MAGI2: variants seen among roughly 807,000 people sequenced by gnomAD.
MAGI2 encodes the protein membrane-associated guanylate kinase, WW and PDZ domain-containing protein 2.
A neutral mutation model predicts 133.3 loss-of-function variants in MAGI2; 35 were observed. The ratio of observed to expected loss-of-function variants is 0.26; its 90% CI spans 0.20 to 0.35. MAGI2 has a LOEUF of 0.35. MAGI2 is among the 10% of genes least tolerant of loss of function. MAGI2 has a pLI of 1.00. For missense variants in MAGI2, 1,636 were observed against 1,863.4 expected, an observed-to-expected ratio of 0.88 and a Z score of 2.25; for synonymous variants, 729 against 710.6, an observed-to-expected ratio of 1.03 and a Z score of -0.41.
chr7:78,098,909 A>G lies in MAGI2; in HGVS notation c.3568-19824T>C, dbSNP rs150524639. ...TTTCTTCATTCATAAATTCTTCCTT[A>G]AGTACTTTGCCAATTTTTTTCCCAT... is the stretch of plus-strand genomic sequence containing the variant. On this transcript the variant is annotated intron_variant, in intron 20 of 21. Coordinates refer to ENST00000354212, the MANE Select transcript of MAGI2 (RefSeq NM_012301.4). Among the ~76,000 whole-genome samples, 507 of 152,194 alleles carry G rather than the reference A, an allele frequency of 3.3e-3. 5 individuals are homozygous for G. The highest frequency in any genetic ancestry group is 5.9e-3 in the Non-Finnish European group (404 of 67,970).
At chr7:79,218,813 A>T (rs1389184847) in intron 1 of MAGI2, among the ~76,000 whole-genome samples, 2 of 152,170 alleles carry the variant, frequency 1.3e-5, no homozygotes, top group Non-Finnish European at 2.9e-5. Flanking sequence ...GGCAGTACAC[A>T]AAATCAAAGT....
At chr7:78,800,134 C>G (rs1381890310) in intron 2 of MAGI2, among the ~76,000 whole-genome samples, 4 of 152,096 alleles carry the variant, frequency 2.6e-5, no homozygotes, top group Non-Finnish European at 5.9e-5. Context: ...GGACCAGAAG[C>G]TTTAATATCC....
chr7:78,510,150 T>A (rs55638011), intron 4 of MAGI2, among the ~76,000 whole-genome samples: 4,228 of 152,326 alleles, frequency 0.028, 193 homozygotes, highest in African/African-American at 0.096. Flanking sequence ...AAACTTTTTT[T>A]ACGTTTCCTT....
chr7:78,769,416 A>C (rs2151316551), intron 2 of MAGI2, among the ~76,000 whole-genome samples: 1 of 152,274 alleles, frequency 6.6e-6, no homozygotes, highest in South Asian at 2.1e-4. Context: ...CCTTTTAAAA[A>C]TGGAAACCTA....
intron 3 of MAGI2, among the ~76,000 whole-genome samples, chr7:78,602,348 C>T (rs1584800360): frequency 1.3e-5 from 2 of 152,054 alleles, no homozygotes; most frequent in East Asian, 1.9e-4. Context: ...TTAGTAGAAA[C>T]GGGGTTTCAC....
intron 10 of MAGI2, among the ~76,000 whole-genome samples, chr7:78,237,420 C>A (rs1790666376): frequency 6.6e-6 from 1 of 152,000 alleles, no homozygotes; most frequent in Non-Finnish European, 1.5e-5. Context: ...TAAAGAGGGA[C>A]TGTAGTTTAA....
rs531096692 is a variant in MAGI2 at position 78,280,165 on chromosome 7, C to T, written c.1409-23584G>A. 2.6e-5 allele frequency among the ~76,000 whole-genome samples: 4 copies of T among 152,186 alleles called. No homozygotes were observed. The East Asian group carries it at 7.7e-4, about 29-fold the overall frequency. On this transcript the variant is annotated intron_variant, in intron 9 of 21. Transcript: ENST00000354212. ...TTTCTGGGGGATTTGGAAGGGTGTC[C>T]TGATGCTGCAGGATCAGGTGGCACT...
Position 78,614,870 on chromosome 7 carries a change from T to A in MAGI2, c.538+12250A>T, listed in dbSNP as rs557932665. 7 of 152,356 alleles carry A rather than the reference T, an allele frequency of 4.6e-5. No homozygotes were observed. The East Asian group carries it at 9.6e-4, about 21-fold the overall frequency. The allele number at this position is 152,356 out of a possible 1,614,324, so 9.4% of individuals were successfully genotyped here. A position where few individuals can be genotyped will look rare whatever the true frequency, so the allele number is the denominator to read the frequency against. On this transcript the variant is annotated intron_variant, in intron 3 of 21. Coordinates refer to ENST00000354212, the MANE Select transcript of MAGI2 (RefSeq NM_012301.4). Reference sequence around the variant, plus strand: ...AGTCCAAACTTTTGAATTTTAATTATCTTTAAAAGAAATCTTTCTTAAATA... The same window carrying A: ...AGTCCAAACTTTTGAATTTTAATTAACTTTAAAAGAAATCTTTCTTAAATA...
intron 21 of MAGI2, among the ~76,000 whole-genome samples, chr7:78,042,922 TA>T (rs1811007139): frequency 1.3e-5 from 2 of 152,288 alleles, no homozygotes; most frequent in South Asian, 4.1e-4. Flanking sequence ...CATCAATATA[TA>T]CAATATGCCG....
At chr7:78,921,094 T>C (rs9656198) in intron 2 of MAGI2, among the ~76,000 whole-genome samples, 14,538 of 151,176 alleles carry the variant, frequency 0.096, 1,576 homozygotes, top group African/African-American at 0.24. Flanking sequence ...AAGTTGATTA[T>C]AGCATGAAAT....
intron 9 of MAGI2, among the ~76,000 whole-genome samples, chr7:78,267,421 T>A (rs1342868065): frequency 6.6e-6 from 1 of 152,186 alleles, no homozygotes; most frequent in Non-Finnish European, 1.5e-5. Context: ...TTGGCAGATG[T>A]GAATCTTCAT....
chr7:78,476,731 T>C (rs2150442373), intron 6 of MAGI2, among the ~76,000 whole-genome samples: 1 of 152,060 alleles, frequency 6.6e-6, no homozygotes, highest in Non-Finnish European at 1.5e-5. Flanking sequence ...AGATAATTCC[T>C]GGTAGATATG....
intron 21 of MAGI2, among the ~76,000 whole-genome samples, chr7:78,069,998 A>G (rs1378546405): frequency 2.6e-5 from 4 of 151,486 alleles, no homozygotes; most frequent in African/African-American, 9.7e-5. Context: ...TTATTCACTC[A>G]TCTTCTCCAC....
chr7:78,085,550 C>CCACACACA lies in MAGI2; in HGVS notation c.3568-6473_3568-6466dup, dbSNP rs10636313. ...AAAACAAAACAAAATAATAAAACTC[C>CCACACACA]CACACACACACACACACACACACAC... On this transcript the variant is annotated intron_variant, in intron 20 of 21. Coordinates refer to ENST00000354212, the MANE Select transcript of MAGI2 (RefSeq NM_012301.4). Among the ~76,000 whole-genome samples the CCACACACA allele has an allele frequency of 7.2e-3, 871 of 121,026 alleles. 5 individuals carry two copies. Among genetic ancestry groups the CCACACACA allele is most frequent in the East Asian group, 0.023 (59 of 2,606 alleles). 79.4% of individuals were successfully genotyped at this position (121,026 alleles called of 152,430 possible).
intron 1 of MAGI2, among the ~76,000 whole-genome samples, chr7:79,275,214 C>A (rs983197059): frequency 6.6e-6 from 1 of 152,048 alleles, no homozygotes. Context: ...AACAGTTAGC[C>A]AAATCATGAA....
intron 6 of MAGI2, among the ~76,000 whole-genome samples, chr7:78,413,440 G>A (rs1158561486): frequency 2.0e-5 from 3 of 152,072 alleles, no homozygotes; most frequent in African/African-American, 7.2e-5. Flanking sequence ...GAACATTAGA[G>A]GTTTGGGTGA....
At chr7:79,123,313 A>G (rs895824186) in intron 1 of MAGI2, among the ~76,000 whole-genome samples, 11 of 152,194 alleles carry the variant, frequency 7.2e-5, no homozygotes, top group Admixed American at 5.9e-4. Flanking sequence ...GAAGGGAAAC[A>G]GGGCTAATAT....
intron 1 of MAGI2, among the ~76,000 whole-genome samples, chr7:79,207,140 T>A (rs138425498): frequency 1.3e-5 from 2 of 152,022 alleles, no homozygotes; most frequent in African/African-American, 4.8e-5. Context: ...GTTGAAAGCT[T>A]TTCCTTTAGG....
At chr7:78,807,814 G>T (rs1432656540) in intron 2 of MAGI2, among the ~76,000 whole-genome samples, 1 of 151,750 alleles carries the variant, frequency 6.6e-6, no homozygotes, top group Admixed American at 6.6e-5. Flanking sequence ...TAACCTTATT[G>T]GATACCGTGC....
Sources: gnomAD v4.1 joint callset for allele counts (sites outside exome capture counted in the v4.1 genomes callset) on GRCh38, gnomAD v4.1.1 for gene constraint, MANE v1.5 for transcripts, NCBI Gene and HGNC (gene_info 2026-07-23, HGNC 2026-07-21) for gene names.